The following RGPD1 variants were observed in gnomAD, a reference collection of about 807,000 sequenced individuals.
RGPD1 encodes RANBP2 like and GRIP domain containing 1.
RGPD1 carries 7 observed loss-of-function variants against 40.6 expected under a neutral mutation model. The observed-to-expected ratio is 0.17, with a 90% CI of 0.10 to 0.32. The LOEUF is 0.32. Ranked by LOEUF, RGPD1 falls within the 10% of genes least tolerant of loss-of-function variation. The pLI is 1.00. For synonymous variants in RGPD1, 24 were observed against 167.0 expected (o/e 0.14, Z 6.60); for missense variants, 50 against 472.5 (o/e 0.11, Z 8.29).
intron 1 of RGPD1, among the ~76,000 whole-genome samples, chr2:86,920,278 T>C (rs1678057561): frequency 6.6e-6 from 1 of 151,526 alleles, no homozygotes. Context: ...CCATGTGGGC[T>C]ATGCTGGTTT....
intron 1 of RGPD1, among the ~76,000 whole-genome samples, chr2:86,925,640 G>GATTT (rs1473343002): frequency 1.3e-5 from 2 of 152,150 alleles, no homozygotes; most frequent in African/African-American, 4.8e-5. Flanking sequence ...TGAAGCCTAT[G>GATTT]ATTTATATTT....
chr2:86,924,712 T>C (rs1218740723), intron 1 of RGPD1, among the ~76,000 whole-genome samples: 1 of 151,868 alleles, frequency 6.6e-6, no homozygotes, highest in African/African-American at 2.4e-5. Context: ...GCTCAAGCAG[T>C]CCTCCTGCCC....
At chr2:86,930,682 G>A (rs562225229) in intron 1 of RGPD1, 71 of 1,609,560 alleles carry the variant, frequency 4.4e-5, no homozygotes, top group Admixed American at 2.2e-4. Context: ...CACAGCTCTC[G>A]AAGCTGCTGT....
intron 1 of RGPD1, among the ~76,000 whole-genome samples, chr2:86,934,985 A>G (rs1679249872): frequency 1.5e-5 from 2 of 131,944 alleles, no homozygotes; most frequent in African/African-American, 2.8e-5. Flanking sequence ...CTACGGGCGC[A>G]CACCACCACG....
Position 86,925,293 on chromosome 2 carries a change from G to A in RGPD1, c.72+11372G>A, listed in dbSNP as rs373527158. The stretch of plus-strand genomic sequence containing the variant: ...TATTTTATTTTATTTTTGAGATGGA[G>A]TCTTGCTCTGTTGCCCAGGCTGTAG... On this transcript the variant is annotated intron_variant, in intron 1 of 22. Transcript: ENST00000398193. Among the ~76,000 whole-genome samples, 8 of 151,110 alleles carry A rather than the reference G, an allele frequency of 5.3e-5. No homozygotes were observed. The South Asian group carries it at 6.4e-4, about 12-fold the overall frequency.
At chr2:86,924,710 A>G (rs1279350873) in intron 1 of RGPD1, among the ~76,000 whole-genome samples, 1 of 151,860 alleles carries the variant, frequency 6.6e-6, no homozygotes, top group Admixed American at 6.6e-5. Context: ...GGGCTCAAGC[A>G]GTCCTCCTGC....
At chr2:86,943,865 T>G (rs1199028176) in intron 1 of RGPD1, among the ~76,000 whole-genome samples, 1 of 151,848 alleles carries the variant, frequency 6.6e-6, no homozygotes, top group Non-Finnish European at 1.5e-5. Context: ...AGAAAAAAAG[T>G]TAGCCGGGCG....
At chr2:86,914,016 C>A in intron 1 of RGPD1, 1 of 508,454 alleles carries the variant, frequency 2.0e-6, no homozygotes, top group Non-Finnish European at 2.2e-6. Context: ...CTCGGCCTGG[C>A]CGGGCGGCGG....
chr2:86,914,055 G>A (rs1181472299), intron 1 of RGPD1: 1 of 55,744 alleles, frequency 1.8e-5, no homozygotes, highest in African/African-American at 6.2e-5. Context: ...CGGCGGCGGC[G>A]GCCTCGGCCT....
At chr2:86,941,937 C>G (rs192273958), upstream of RGPD1, among the ~76,000 whole-genome samples, 295 of 152,032 alleles carry the variant, frequency 1.9e-3, 10 homozygotes, top group Admixed American at 0.016. Flanking sequence ...GTCTCCAACT[C>G]ATGACCTCAG....
chr2:86,938,776 T>C (rs1463148754), upstream of RGPD1, among the ~76,000 whole-genome samples: 11 of 138,858 alleles, frequency 7.9e-5, no homozygotes, highest in Admixed American at 2.8e-4. Context: ...ACAGTTGTTA[T>C]GGAAGTCTGC....
chr2:86,913,949 C>T (rs112001683), intron 1 of RGPD1: 201,696 of 1,290,582 alleles, frequency 0.16, 32,979 homozygotes, highest in Admixed American at 0.2. Context: ...AGACCGACGG[C>T]CTCGACCTGG....
intron 1 of RGPD1, among the ~76,000 whole-genome samples, chr2:86,920,325 C>T (rs1678061159): frequency 6.6e-6 from 1 of 151,514 alleles, no homozygotes; most frequent in Non-Finnish European, 1.5e-5. Context: ...CCACCTTGGC[C>T]TCCCAAAGTG....
upstream of RGPD1, among the ~76,000 whole-genome samples, chr2:86,937,280 C>G (rs1363211395): frequency 1.4e-5 from 2 of 146,042 alleles, no homozygotes; most frequent in Non-Finnish European, 3.0e-5. Flanking sequence ...CTGGAAGTCA[C>G]TTTAGATTGA....
intron 1 of RGPD1, among the ~76,000 whole-genome samples, chr2:86,928,196 A>G (rs929789703): frequency 2.7e-5 from 4 of 149,728 alleles, no homozygotes; most frequent in Non-Finnish European, 5.9e-5. Flanking sequence ...ACATTTGAGC[A>G]AAGAGCCCTG....
At chr2:86,945,404 G>A (rs1680275944) in intron 1 of RGPD1, among the ~76,000 whole-genome samples, 1 of 152,148 alleles carries the variant, frequency 6.6e-6, no homozygotes, top group African/African-American at 2.4e-5. Context: ...AAGGAATGGA[G>A]GGAGAAGAGG....
At position 86,945,560 on chromosome 2, in the gene RGPD1, T is replaced by C. The variant is rs188711257; in HGVS notation, c.72+3252T>C. Among the ~76,000 whole-genome samples the C allele has an allele frequency of 8.6e-3, 1,306 of 152,302 alleles. 13 individuals are homozygous for C. Among genetic ancestry groups the C allele is most frequent in the Non-Finnish European group, 0.014 (963 of 68,032 alleles). ...TATATCATATCTTTCTAGTCTTCCA[T>C]TGTGCTTTCATTTGTTAGTCTTCTC... On this transcript the variant is annotated intron_variant, in intron 1 of 22. Coordinates refer to ENST00000641458, the MANE Select transcript of RGPD1 (RefSeq NM_001382344.1).
intron 1 of RGPD1, among the ~76,000 whole-genome samples, chr2:86,936,164 C>A (rs532610942): frequency 6.4e-4 from 84 of 130,916 alleles, no homozygotes; most frequent in African/African-American, 2.2e-3. Flanking sequence ...TGCCACCATG[C>A]CCAGCTAATT....
intron 1 of RGPD1, among the ~76,000 whole-genome samples, chr2:86,918,365 T>C (rs1371703076): frequency 6.8e-6 from 1 of 147,624 alleles, no homozygotes; most frequent in South Asian, 2.2e-4. Context: ...TGGGTCACTC[T>C]GAAAAAAAAT....
Sources: allele counts gnomAD v4.1 joint callset (sites outside exome capture counted in the v4.1 genomes callset), GRCh38; gene constraint gnomAD v4.1.1; transcripts MANE v1.5; gene names NCBI Gene and HGNC (gene_info 2026-07-23, HGNC 2026-07-21).